Variants in CSMD1 observed in about 807,000 individuals in gnomAD.
CSMD1 encodes the protein CUB and Sushi multiple domains 1, also known as CUB and sushi domain-containing protein 1.
CSMD1 carries 213 observed loss-of-function variants against 417.5 expected under a neutral mutation model. That is an observed-to-expected ratio of 0.51 (90% CI 0.46 to 0.57). The LOEUF is 0.57. CSMD1 is among the 20% of genes least tolerant of loss of function. CSMD1 has a pLI of 0.00. For synonymous variants in CSMD1, 2,862 were observed against 1,736.8 expected, an observed-to-expected ratio of 1.65 and a Z score of -16.11; for missense variants, 6,923 against 4,529.7, an observed-to-expected ratio of 1.53 and a Z score of -15.17.
chr8:3,274,187 C>G (rs138412288), intron 26 of CSMD1, among the ~76,000 whole-genome samples: 40,848 of 150,520 alleles, frequency 0.27, 5,617 homozygotes, highest in African/African-American at 0.34. Context: ...CGTTATGTAC[C>G]CAGTAGTCAT....
intron 3 of CSMD1, among the ~76,000 whole-genome samples, chr8:4,189,619 A>G (rs77151882): frequency 0.019 from 2,830 of 152,242 alleles, 97 homozygotes; most frequent in African/African-American, 0.063. Flanking sequence ...AATGGCAAAG[A>G]CCCCTAGCAA....
intron 3 of CSMD1, among the ~76,000 whole-genome samples, chr8:4,351,097 TC>T (rs1801066108): frequency 1.3e-5 from 2 of 151,900 alleles, no homozygotes; most frequent in South Asian, 4.2e-4. Flanking sequence ...AGCCAGAGGA[TC>T]GCCTGAGCCC....
chr8:4,269,774 A>G (rs1282753217), intron 3 of CSMD1, among the ~76,000 whole-genome samples: 1 of 152,236 alleles, frequency 6.6e-6, no homozygotes, highest in Non-Finnish European at 1.5e-5. Context: ...TTCATAAAAA[A>G]GCATGAAAAT....
intron 2 of CSMD1, among the ~76,000 whole-genome samples, chr8:4,483,550 G>C (rs950503693): frequency 1.3e-5 from 2 of 152,030 alleles, no homozygotes; most frequent in Non-Finnish European, 1.5e-5. Flanking sequence ...AACTTATATT[G>C]GTTTTCTCTC....
chr8:3,026,842 T>C (rs927743270), intron 51 of CSMD1, among the ~76,000 whole-genome samples: 1 of 152,212 alleles, frequency 6.6e-6, no homozygotes, highest in Non-Finnish European at 1.5e-5. Flanking sequence ...CTGAGAACAG[T>C]TGCCTTCAAA....
chr8:4,769,429 T>G (rs1274639651), intron 1 of CSMD1, among the ~76,000 whole-genome samples: 1 of 152,174 alleles, frequency 6.6e-6, no homozygotes, highest in Non-Finnish European at 1.5e-5. Context: ...TTGGGAAAAC[T>G]TTAGAATAAG....
chr8:3,907,389 G>A (rs895682567), intron 5 of CSMD1, among the ~76,000 whole-genome samples: 3 of 152,012 alleles, frequency 2.0e-5, no homozygotes, highest in African/African-American at 7.2e-5. Flanking sequence ...ATCTAAATGG[G>A]GTAATTTAGG....
intron 9 of CSMD1, among the ~76,000 whole-genome samples, chr8:3,575,816 T>A (rs1473008294): frequency 6.7e-6 from 1 of 149,530 alleles, no homozygotes; most frequent in Non-Finnish European, 1.5e-5. Context: ...ACAAAAATAA[T>A]TTAATTGGCC....
intron 5 of CSMD1, among the ~76,000 whole-genome samples, chr8:3,827,649 A>C (rs1172314061): frequency 6.6e-6 from 1 of 152,196 alleles, no homozygotes; most frequent in African/African-American, 2.4e-5. Context: ...TCTTCGAATA[A>C]AACATGATTT....
At chr8:4,156,560 C>A (rs1796844999) in intron 3 of CSMD1, among the ~76,000 whole-genome samples, 1 of 151,956 alleles carries the variant, frequency 6.6e-6, no homozygotes, top group South Asian at 2.1e-4. Context: ...TCTAAAAGAT[C>A]ACTTCTATCC....
chr8:4,128,580 C>T lies in CSMD1; in HGVS notation c.416-96481G>A, dbSNP rs367716550. 5.3e-5 allele frequency among the ~76,000 whole-genome samples: 8 copies of T among 152,304 alleles called. No homozygotes were observed. In the South Asian group the frequency reaches 1.7e-3, roughly 32 times the overall value. ...ACATCTCATCTCTTTTAGCTTATCT[C>T]CAAACCTTCAAAGACCATTGTTACA... is the stretch of plus-strand genomic sequence containing the variant. On this transcript the variant is annotated intron_variant, in intron 3 of 69. Transcript: ENST00000635120.
chr8:4,493,981 T>C (rs924194729), intron 2 of CSMD1, among the ~76,000 whole-genome samples: 2 of 152,174 alleles, frequency 1.3e-5, no homozygotes, highest in African/African-American at 2.4e-5. Context: ...TAACTTCAAA[T>C]GCCTTAAGCA....
intron 3 of CSMD1, among the ~76,000 whole-genome samples, chr8:4,127,350 C>T (rs1251749680): frequency 6.6e-6 from 1 of 151,404 alleles, no homozygotes; most frequent in Non-Finnish European, 1.5e-5. Flanking sequence ...CCTCTCCCTT[C>T]CTTCTTTATC....
At chr8:3,251,404 T>C (rs1800245316) in intron 26 of CSMD1, among the ~76,000 whole-genome samples, 1 of 152,194 alleles carries the variant, frequency 6.6e-6, no homozygotes, top group African/African-American at 2.4e-5. Flanking sequence ...GAGGGCTCTG[T>C]TCTGTTGCAT....
In CSMD1 at chr8:4,362,056, T is replaced by C. The variant is rs115357673; in HGVS notation, c.415+57897A>G. On this transcript the variant is annotated intron_variant, in intron 3 of 69. Coordinates refer to ENST00000635120, the MANE Select transcript of CSMD1 (RefSeq NM_033225.6). ...TTAGAGGTAGGATACATAAGGAACCTGTGAAAATAAAGGCTGAGATAATTT... is the reference window on the plus strand; with the variant it reads ...TTAGAGGTAGGATACATAAGGAACCCGTGAAAATAAAGGCTGAGATAATTT... 5.7e-3 allele frequency among the ~76,000 whole-genome samples: 867 copies of C among 152,190 alleles called. 8 individuals carry two copies. Among genetic ancestry groups the C allele is most frequent in the African/African-American group, 0.019 (804 of 41,536 alleles).
intron 21 of CSMD1, among the ~76,000 whole-genome samples, chr8:3,355,591 C>A: frequency 6.6e-6 from 1 of 152,080 alleles, no homozygotes; most frequent in Non-Finnish European, 1.5e-5. Flanking sequence ...GCTGTTTCCA[C>A]AGAACTGCAC....
At chr8:4,836,087 G>A (rs1399749294) in intron 1 of CSMD1, among the ~76,000 whole-genome samples, 1 of 152,104 alleles carries the variant, frequency 6.6e-6, no homozygotes, top group African/African-American at 2.4e-5. Context: ...CACAAGTAAT[G>A]CAAGAAAAGA....
chr8:4,078,529 G>C (rs558307125), intron 3 of CSMD1, among the ~76,000 whole-genome samples: 1 of 151,544 alleles, frequency 6.6e-6, no homozygotes, highest in Non-Finnish European at 1.5e-5. Flanking sequence ...CTCCCAAAGT[G>C]CTGGGATTAC....
chr8:3,870,508 A>T (rs1436504040), intron 5 of CSMD1, among the ~76,000 whole-genome samples: 2 of 152,070 alleles, frequency 1.3e-5, no homozygotes, highest in Non-Finnish European at 2.9e-5. Context: ...TCTAAGAAAA[A>T]TTTACCGTTT....
Sources: gnomAD v4.1 joint callset for allele counts (sites outside exome capture counted in the v4.1 genomes callset) on GRCh38, gnomAD v4.1.1 for gene constraint, MANE v1.5 for transcripts, NCBI Gene and HGNC (gene_info 2026-07-23, HGNC 2026-07-21) for gene names.